The following ALG9 variants were observed in gnomAD, a reference collection of about 807,000 sequenced individuals.
The protein encoded by ALG9 is ALG9 alpha-1,2-mannosyltransferase, also known as alpha-1,2-mannosyltransferase ALG9.
Under a neutral mutation model 81.8 loss-of-function variants are expected in ALG9, and 55 were observed. That is an observed-to-expected ratio of 0.67 (90% CI 0.54 to 0.84). The LOEUF (loss-of-function observed/expected upper bound fraction) is 0.84, where lower values mean the gene tolerates loss of function less well. ALG9 is among the 40% of genes least tolerant of loss of function. The pLI is 0.00. For synonymous variants in ALG9, 278 were observed against 274.3 expected, an observed-to-expected ratio of 1.01 and a Z score of -0.13; for missense variants, 629 against 745.0, an observed-to-expected ratio of 0.84 and a Z score of 1.81.
intron 13 of ALG9, among the ~76,000 whole-genome samples, chr11:111,818,059 G>A (rs782056609): frequency 1.3e-5 from 2 of 152,170 alleles, no homozygotes; most frequent in South Asian, 2.1e-4. Flanking sequence ...GATTTCAGGC[G>A]TGAGCCACCA....
chr11:111,845,729 C>G (rs1472356882), intron 8 of ALG9, among the ~76,000 whole-genome samples: 1 of 152,112 alleles, frequency 6.6e-6, no homozygotes, highest in Non-Finnish European at 1.5e-5. Flanking sequence ...GTTGTGACAC[C>G]CGCCTTGCAC....
At chr11:111,864,343 G>A in intron 4 of ALG9, 3 of 779,114 alleles carry the variant, frequency 3.9e-6, no homozygotes, top group Admixed American at 1.7e-5. Context: ...AAGTTTCCCA[G>A]GCAGCTGCAG....
intron 13 of ALG9, among the ~76,000 whole-genome samples, chr11:111,835,075 AG>A (rs1555116255): frequency 0.053 from 8,103 of 152,316 alleles, 715 homozygotes; most frequent in African/African-American, 0.18. Flanking sequence ...ACAAAAGACC[AG>A]ATGTGGCTGC....
Position 111,860,642 on chromosome 11 carries a change from A to G in ALG9, c.477-7T>C. On this transcript the variant is annotated splice_polypyrimidine_tract_variant and splice_region_variant and intron_variant, in intron 4 of 14. Coordinates refer to ENST00000616540, the MANE Select transcript of ALG9 (RefSeq NM_024740.2). The stretch of plus-strand genomic sequence containing the variant: ...AAACTTCTTGCACACAGCCCTAGGA[A>G]AAAGGCAAAGACTATCAGCATTGAG... 1 of 1,609,694 alleles carries G rather than the reference A, an allele frequency of 6.2e-7. No homozygotes were observed. Among genetic ancestry groups the G allele is most frequent in the Non-Finnish European group, 8.5e-7 (1 of 1,176,942 alleles).
intron 4 of ALG9, chr11:111,864,388 T>C (rs781936154): frequency 4.2e-5 from 32 of 765,288 alleles, no homozygotes; most frequent in Non-Finnish European, 7.3e-5. Context: ...ATGTTCAACA[T>C]GACCCTCTGC....
intron 10 of ALG9, among the ~76,000 whole-genome samples, chr11:111,838,652 T>C (rs1955721661): frequency 6.6e-6 from 1 of 152,218 alleles, no homozygotes; most frequent in African/African-American, 2.4e-5. Flanking sequence ...CTAGCATTTA[T>C]AGTCCTAATA....
chr11:111,857,807 AC>A, intron 5 of ALG9, 70 bp from the exon 6 acceptor site: 1 of 1,568,638 alleles, frequency 6.4e-7, no homozygotes, highest in Non-Finnish European at 8.7e-7. Context: ...TCAATTAAAA[AC>A]TGATTAAAAA....
intron 13 of ALG9, among the ~76,000 whole-genome samples, chr11:111,831,004 C>T (rs1954262397): frequency 6.6e-6 from 1 of 151,992 alleles, no homozygotes; most frequent in African/African-American, 2.4e-5. Context: ...GGCCCTCTCT[C>T]CACAAAAAAT....
At chr11:111,824,885 T>C (rs1379187704) in intron 13 of ALG9, among the ~76,000 whole-genome samples, 1 of 152,214 alleles carries the variant, frequency 6.6e-6, no homozygotes, top group Non-Finnish European at 1.5e-5. Context: ...TTAGTTTCCA[T>C]AAATGACCCT....
chr11:111,857,773 C>T (rs367619966), intron 5 of ALG9, 36 bp from the exon 6 acceptor site: 2 of 1,612,490 alleles, frequency 1.2e-6, no homozygotes, highest in African/African-American at 1.3e-5. Flanking sequence ...GGCAGGAGGA[C>T]AAGAGCTCGA....
At chr11:111,797,778 C>A (rs576861472) in intron 14 of ALG9, among the ~76,000 whole-genome samples, 184 of 152,302 alleles carry the variant, frequency 1.2e-3, no homozygotes, top group Non-Finnish European at 1.9e-3. Context: ...CTGCTGGGTT[C>A]ACCTCTTAGA....
At chr11:111,779,610 C>G (rs1356892665), downstream of ALG9, among the ~76,000 whole-genome samples, 2 of 152,046 alleles carry the variant, frequency 1.3e-5, no homozygotes, top group East Asian at 1.9e-4. Flanking sequence ...CTCAGCCTCC[C>G]AAAGTGTTGG....
intron 13 of ALG9, among the ~76,000 whole-genome samples, chr11:111,823,143 T>C (rs1555105528): frequency 1.3e-5 from 2 of 152,228 alleles, no homozygotes; most frequent in African/African-American, 4.8e-5. Flanking sequence ...ATATTCTGCC[T>C]CTAGCTCTGT....
At chr11:111,799,090 CA>C (rs1948720108) in intron 14 of ALG9, among the ~76,000 whole-genome samples, 1 of 152,170 alleles carries the variant, frequency 6.6e-6, no homozygotes, top group African/African-American at 2.4e-5. Flanking sequence ...AAAATTGTCC[CA>C]ATCATCTTTA....
chr11:111,833,746 TA>T (rs2136765154), intron 13 of ALG9, among the ~76,000 whole-genome samples: 1 of 152,352 alleles, frequency 6.6e-6, no homozygotes, highest in South Asian at 2.1e-4. Flanking sequence ...TCCCTGCTTT[TA>T]TCAGCCAGCA....
chr11:111,804,371 T>C (rs1385025243), intron 14 of ALG9, among the ~76,000 whole-genome samples: 3 of 151,962 alleles, frequency 2.0e-5, no homozygotes, highest in Non-Finnish European at 4.4e-5. Flanking sequence ...TGGGAGAAAA[T>C]ACTTGCAAAA....
intron 13 of ALG9, among the ~76,000 whole-genome samples, chr11:111,829,438 G>A (rs1953946393): frequency 6.6e-6 from 1 of 152,132 alleles, no homozygotes; most frequent in African/African-American, 2.4e-5. Context: ...CCCACTAGAA[G>A]CTTTAGAGAA....
chr11:111,867,818 T>C (rs1384166834), intron 3 of ALG9, among the ~76,000 whole-genome samples: 2 of 152,216 alleles, frequency 1.3e-5, no homozygotes, highest in Non-Finnish European at 1.5e-5. Context: ...TTAAGCTTTC[T>C]GTTTTAGCTG....
At chr11:111,789,243 T>C (rs1188186160) in intron 14 of ALG9, among the ~76,000 whole-genome samples, 1 of 152,054 alleles carries the variant, frequency 6.6e-6, no homozygotes, top group Admixed American at 6.6e-5. Flanking sequence ...CAAAGATAAA[T>C]TATACTTATT....
Sources: allele counts gnomAD v4.1 joint callset (sites outside exome capture counted in the v4.1 genomes callset), GRCh38; gene constraint gnomAD v4.1.1; transcripts MANE v1.5; gene names NCBI Gene and HGNC (gene_info 2026-07-23, HGNC 2026-07-21).